The following OR56A3 variants were observed in gnomAD, a reference collection of about 807,000 sequenced individuals.
OR56A3 encodes the protein olfactory receptor 56A3.
OR56A3 carries 23 observed loss-of-function variants against 17.5 expected under a neutral mutation model. The ratio of observed to expected loss-of-function variants is 1.32; its 90% CI spans 0.95 to 1.87. The LOEUF (loss-of-function observed/expected upper bound fraction) is 1.87, where lower values mean the gene tolerates loss of function less well. Among genes scored for constraint, OR56A3 ranks in the 40% most tolerant of loss-of-function variants. The pLI is 0.00. For missense variants in OR56A3, 366 were observed against 380.1 expected (o/e 0.96, Z 0.31); for synonymous variants, 175 against 150.6 (o/e 1.16, Z -1.19).
At chr11:6,012,896 A>C in the OR56A3 span, among the ~76,000 whole-genome samples, 1 of 152,252 alleles carries the variant, frequency 6.6e-6, no homozygotes, top group African/African-American at 2.4e-5. Context: ...CTGGGCTGTG[A>C]TAGCACCCAA....
chr11:5,968,592 C>T, the OR56A3 span: 16 of 939,148 alleles, frequency 1.7e-5, no homozygotes, highest in Non-Finnish European at 1.7e-5. Context: ...TATTTGCTAA[C>T]ATTTTCTAAT....
At chr11:5,983,556 A>G in the OR56A3 span, among the ~76,000 whole-genome samples, 1 of 152,172 alleles carries the variant, frequency 6.6e-6, no homozygotes. Flanking sequence ...TCCCTCACCC[A>G]AAGGATGAGA....
At chr11:5,966,623 A>G in the OR56A3 span, among the ~76,000 whole-genome samples, 3 of 152,284 alleles carry the variant, frequency 2.0e-5, no homozygotes, top group Non-Finnish European at 4.4e-5. Context: ...TGCAAAGTGT[A>G]AAACATACTT....
At chr11:5,997,537 G>T in the OR56A3 span, among the ~76,000 whole-genome samples, 1 of 152,124 alleles carries the variant, frequency 6.6e-6, no homozygotes, top group African/African-American at 2.4e-5. Flanking sequence ...TGAACCTAGA[G>T]CATAGGCCTA....
At chr11:6,011,612 G>C in the OR56A3 span, among the ~76,000 whole-genome samples, 1 of 152,128 alleles carries the variant, frequency 6.6e-6, no homozygotes, top group Non-Finnish European at 1.5e-5. Flanking sequence ...GGGATCTTTG[G>C]GGTGTCGCTT....
At chr11:6,010,166 T>C in the OR56A3 span, among the ~76,000 whole-genome samples, 1 of 152,220 alleles carries the variant, frequency 6.6e-6, no homozygotes, top group Non-Finnish European at 1.5e-5. Context: ...CATAGCTATG[T>C]TATATATAAC....
chr11:5,968,130 G>A, the OR56A3 span: 7 of 1,614,206 alleles, frequency 4.3e-6, no homozygotes, highest in Non-Finnish European at 2.5e-6. Context: ...GCGGTCATAG[G>A]CCATGATCAT....
At chr11:5,962,263 G>A in the OR56A3 span, among the ~76,000 whole-genome samples, 6 of 152,102 alleles carry the variant, frequency 3.9e-5, no homozygotes, top group Admixed American at 6.6e-5. Flanking sequence ...TGTGGTAAAT[G>A]GTCTTTTAAT....
chr11:6,019,648 G>C, the OR56A3 span: 4,309 of 151,900 alleles, frequency 0.028, 210 homozygotes, highest in African/African-American at 0.098. Context: ...GAGAATTATG[G>C]GTGCAGGAAA....
the OR56A3 span, among the ~76,000 whole-genome samples, chr11:5,988,759 G>A: frequency 6.6e-5 from 10 of 152,108 alleles, no homozygotes; most frequent in South Asian, 4.1e-4. Flanking sequence ...TTTGACAACC[G>A]CATGTTAACA....
chr11:5,995,097 C>T, the OR56A3 span: 98 of 590,556 alleles, frequency 1.7e-4, 1 homozygote, highest in Middle Eastern at 1.0e-3. Flanking sequence ...CATAGCTGGG[C>T]GGCTGGACGC....
At chr11:6,005,400 C>A in the OR56A3 span, among the ~76,000 whole-genome samples, 1 of 152,148 alleles carries the variant, frequency 6.6e-6, no homozygotes, top group East Asian at 1.9e-4. Context: ...ATCCCAAGTT[C>A]TTTGGGGAAA....
the OR56A3 span, chr11:6,002,596 A>G: frequency 2.3e-5 from 37 of 1,614,234 alleles, no homozygotes; most frequent in Admixed American, 6.7e-5. Context: ...GGGTATCTCA[A>G]TGGATGGCAG....
the OR56A3 span, chr11:5,985,980 G>T: frequency 6.2e-7 from 1 of 1,611,886 alleles, no homozygotes; most frequent in East Asian, 2.2e-5. Flanking sequence ...CTCGCTGGCG[G>T]ATCTGCTGAG....
At chr11:5,955,415 C>A (rs1018650619), downstream of OR56A3, among the ~76,000 whole-genome samples, 2 of 152,094 alleles carry the variant, frequency 1.3e-5, no homozygotes, top group Non-Finnish European at 2.9e-5. Context: ...AACCTGAATT[C>A]TTTCCTCCTC....
At chr11:5,996,096 A>T in the OR56A3 span, among the ~76,000 whole-genome samples, 2 of 152,204 alleles carry the variant, frequency 1.3e-5, no homozygotes, top group African/African-American at 4.8e-5. Context: ...TGTCAAAGGG[A>T]TGTCTATACT....
the OR56A3 span, among the ~76,000 whole-genome samples, chr11:6,004,553 C>T: frequency 2.6e-5 from 4 of 152,112 alleles, no homozygotes; most frequent in African/African-American, 7.2e-5. Flanking sequence ...CTTGAATATT[C>T]CAGACTTTCT....
chr11:6,004,904 T>C, the OR56A3 span, among the ~76,000 whole-genome samples: 1 of 152,226 alleles, frequency 6.6e-6, no homozygotes. Context: ...GCAAAAACCA[T>C]TATCTTTTGA....
the OR56A3 span, chr11:5,968,004 A>G: frequency 3.1e-5 from 50 of 1,591,760 alleles, no homozygotes; most frequent in Admixed American, 8.6e-4. Context: ...AGAAGAAAGT[A>G]TGGGGATAGG....
Sources: gnomAD v4.1 joint callset for allele counts (sites outside exome capture counted in the v4.1 genomes callset) on GRCh38, gnomAD v4.1.1 for gene constraint, MANE v1.5 for transcripts, NCBI Gene and HGNC (gene_info 2026-07-23, HGNC 2026-07-21) for gene names.